The following SUPT3H variants were observed in gnomAD, a reference collection of about 807,000 sequenced individuals.
The protein encoded by SUPT3H is transcription initiation protein SPT3 homolog.
Under a neutral mutation model 44.3 loss-of-function variants are expected in SUPT3H, and 44 were observed. That is an observed-to-expected ratio of 0.99 (90% CI 0.78 to 1.28). The LOEUF is 1.28. SUPT3H is among the 50% of genes most tolerant of loss of function. The pLI, the probability that SUPT3H is intolerant of heterozygous loss-of-function variation, is 0.00. For missense variants in SUPT3H, 380 were observed against 387.1 expected, an observed-to-expected ratio of 0.98 and a Z score of 0.15; for synonymous variants, 124 against 125.6, an observed-to-expected ratio of 0.99 and a Z score of 0.09.
Position 45,285,574 on chromosome 6 carries a change from C to T in SUPT3H, c.101+79627G>A, listed in dbSNP as rs1461463736. 1.4e-4 allele frequency among the ~76,000 whole-genome samples: 22 copies of T among 152,230 alleles called. No individual in the cohort carries two copies. The South Asian group carries it at 4.2e-3, about 29-fold the overall frequency. On this transcript the variant is annotated intron_variant, in intron 2 of 10. Coordinates refer to ENST00000371459, the MANE Select transcript of SUPT3H (RefSeq NM_003599.4). ...CCTCTTCAAGGAGAACTACAAACCA[C>T]TGCTCAATGAAATAAAAGAGGATAC...
At chr6:45,370,389 GA>G (rs372520355) in intron 1 of SUPT3H, among the ~76,000 whole-genome samples, 68 of 145,750 alleles carry the variant, frequency 4.7e-4, no homozygotes, top group Non-Finnish European at 8.3e-4. Context: ...GACTGGGAAG[GA>G]AAAAAAAAAC....
chr6:45,106,032 A>G, intron 2 of SUPT3H, 26 bp from the exon 3 acceptor site: 6 of 1,565,690 alleles, frequency 3.8e-6, no homozygotes, highest in Non-Finnish European at 5.3e-6. Context: ...AAACACACCA[A>G]TATTAAGGAC....
At chr6:45,354,235 C>A (rs1743520030) in intron 2 of SUPT3H, among the ~76,000 whole-genome samples, 1 of 151,882 alleles carries the variant, frequency 6.6e-6, no homozygotes, top group Non-Finnish European at 1.5e-5. Context: ...CTGGACAAAA[C>A]CTAATTACTT....
chr6:44,816,457 A>G (rs1407132726), intron 11 of SUPT3H, among the ~76,000 whole-genome samples: 1 of 152,214 alleles, frequency 6.6e-6, no homozygotes, highest in African/African-American at 2.4e-5. Context: ...CCTTATATCT[A>G]TCTAAGAAAT....
intron 1 of SUPT3H, among the ~76,000 whole-genome samples, chr6:45,370,250 C>A (rs967024608): frequency 1.3e-5 from 2 of 152,118 alleles, no homozygotes; most frequent in Non-Finnish European, 2.9e-5. Context: ...TTCTGGAATA[C>A]ATTTTGAAAG....
intron 3 of SUPT3H, among the ~76,000 whole-genome samples, chr6:45,075,446 C>A (rs535071969): frequency 6.6e-6 from 1 of 152,184 alleles, no homozygotes; most frequent in African/African-American, 2.4e-5. Flanking sequence ...CAGTATTAAT[C>A]ATCTACAAAA....
At chr6:45,265,447 T>C (rs987356825) in intron 2 of SUPT3H, among the ~76,000 whole-genome samples, 3 of 152,140 alleles carry the variant, frequency 2.0e-5, no homozygotes, top group African/African-American at 7.2e-5. Flanking sequence ...ATGAGTCTAG[T>C]CCGGCTAGGT....
intron 7 of SUPT3H, among the ~76,000 whole-genome samples, chr6:44,956,892 T>C (rs1775301612): frequency 6.6e-6 from 1 of 152,204 alleles, no homozygotes; most frequent in Non-Finnish European, 1.5e-5. Context: ...TCTTAAGCCA[T>C]ATTACAAATT....
intron 11 of SUPT3H, among the ~76,000 whole-genome samples, chr6:44,817,884 A>G (rs1043680976): frequency 6.6e-6 from 1 of 152,186 alleles, no homozygotes; most frequent in African/African-American, 2.4e-5. Flanking sequence ...AGAAGGCTTA[A>G]TGTTGCTAAG....
At chr6:45,161,349 T>C (rs962469862) in intron 2 of SUPT3H, among the ~76,000 whole-genome samples, 3 of 152,124 alleles carry the variant, frequency 2.0e-5, no homozygotes, top group Non-Finnish European at 2.9e-5. Context: ...CCCAAAAGAA[T>C]AGTTCACAGC....
chr6:45,070,031 A>T (rs1424598742), intron 3 of SUPT3H, among the ~76,000 whole-genome samples: 1 of 152,166 alleles, frequency 6.6e-6, no homozygotes, highest in East Asian at 1.9e-4. Context: ...CCATCAGATC[A>T]ATGCCAGGTA....
At chr6:44,950,407 T>C (rs1774097006) in intron 9 of SUPT3H, among the ~76,000 whole-genome samples, 1 of 152,212 alleles carries the variant, frequency 6.6e-6, no homozygotes, top group Non-Finnish European at 1.5e-5. Flanking sequence ...ATTTTCCTCA[T>C]CATCAATCAT....
intron 2 of SUPT3H, among the ~76,000 whole-genome samples, chr6:45,165,248 T>G (rs1276256261): frequency 2.6e-5 from 4 of 152,102 alleles, no homozygotes; most frequent in Non-Finnish European, 5.9e-5. Flanking sequence ...AGAGAGCCCA[T>G]ACTAAGCACA....
At chr6:44,956,657 G>C (rs9689041) in intron 7 of SUPT3H, among the ~76,000 whole-genome samples, 7,895 of 152,122 alleles carry the variant, frequency 0.052, 710 homozygotes, top group African/African-American at 0.18. Flanking sequence ...CATCCAGACT[G>C]ATTCCAAGCA....
At chr6:45,165,850 G>A (rs1809756904) in intron 2 of SUPT3H, among the ~76,000 whole-genome samples, 1 of 152,144 alleles carries the variant, frequency 6.6e-6, no homozygotes, top group African/African-American at 2.4e-5. Context: ...GAACACAAGA[G>A]CTGTGAGAAA....
At position 45,315,918 on chromosome 6, in the gene SUPT3H, T is replaced by TAGAC. The variant is rs144092405; in HGVS notation, c.101+49279_101+49282dup. Among the ~76,000 whole-genome samples, 1,087 of 137,432 alleles carry TAGAC rather than the reference T, an allele frequency of 7.9e-3. 6 individuals carry two copies. Among genetic ancestry groups the TAGAC allele is most frequent in the Middle Eastern group, 0.018 (5 of 272 alleles). The allele number at this position is 137,432 out of a possible 152,430, so 90.2% of individuals were successfully genotyped here. On this transcript the variant is annotated intron_variant, in intron 2 of 10. Transcript: ENST00000371459. Reference sequence around the variant, plus strand: ...CAATGAGTGGATAAAGAAGCTCAGATAGACAGATAGATAGATAGATAGATA... The same window carrying TAGAC: ...CAATGAGTGGATAAAGAAGCTCAGATAGACAGACAGATAGATAGATAGATAGATA...
At position 45,087,675 on chromosome 6, in the gene SUPT3H, T is replaced by C. The variant is rs545407581; in HGVS notation, c.186+18247A>G. Among the ~76,000 whole-genome samples, 10 of 151,976 alleles carry C rather than the reference T, an allele frequency of 6.6e-5. No individual in the cohort carries two copies. In the South Asian group the frequency reaches 1.9e-3, roughly 28 times the overall value. ...TAATTTACACCTAATAATAATAATA[T>C]AAGAAATCTATACTCATTTTAGCAC... On this transcript the variant is annotated intron_variant, in intron 3 of 10. Coordinates refer to ENST00000371459, the MANE Select transcript of SUPT3H (RefSeq NM_003599.4).
rs1289864467 is a variant in SUPT3H, at chr6:45,128,926, T to C, written c.102-22920A>G. 2.0e-5 allele frequency among the ~76,000 whole-genome samples: 3 copies of C among 152,144 alleles called. No individual in the cohort carries two copies. In the East Asian group the frequency reaches 5.8e-4, roughly 29 times the overall value. On this transcript the variant is annotated intron_variant, in intron 2 of 10. Coordinates refer to ENST00000371459, the MANE Select transcript of SUPT3H (RefSeq NM_003599.4). ...GTCTCAAACTCCTGACCTCAAGTGA[T>C]CCGCCTGCCTCGGCCTCCCAAAGTG... is the stretch of plus-strand genomic sequence containing the variant.
intron 3 of SUPT3H, among the ~76,000 whole-genome samples, chr6:45,103,158 G>A (rs569644802): frequency 2.0e-5 from 3 of 152,224 alleles, no homozygotes; most frequent in South Asian, 2.1e-4. Flanking sequence ...AACTCACTCT[G>A]ACATATGCCT....
Sources: gnomAD v4.1 joint callset for allele counts (sites outside exome capture counted in the v4.1 genomes callset) on GRCh38, gnomAD v4.1.1 for gene constraint, MANE v1.5 for transcripts, NCBI Gene and HGNC (gene_info 2026-07-23, HGNC 2026-07-21) for gene names.